The following PTPRA variants were observed in gnomAD, a reference collection of about 807,000 sequenced individuals.
The protein encoded by PTPRA is protein tyrosine phosphatase receptor type A.
A neutral mutation model predicts 104.8 loss-of-function variants in PTPRA; 25 were observed. That is an observed-to-expected ratio of 0.24 (90% CI 0.17 to 0.33). PTPRA has a LOEUF of 0.33. Ranked by LOEUF, PTPRA falls within the 10% of genes least tolerant of loss-of-function variation. PTPRA has a pLI of 1.00. For missense variants in PTPRA, 765 were observed against 1,015.3 expected, an observed-to-expected ratio of 0.75 and a Z score of 3.35; for synonymous variants, 323 against 368.9, an observed-to-expected ratio of 0.88 and a Z score of 1.43.
At chr20:2,910,428 A>T (rs1299531324) in intron 1 of PTPRA, among the ~76,000 whole-genome samples, 70 of 99,838 alleles carry the variant, frequency 7.0e-4, no homozygotes, top group East Asian at 1.5e-3. Flanking sequence ...TAATATATAA[A>T]ATGTATATTA....
chr20:3,037,415 TCCCAAGGTGC>T lies in PTPRA; in HGVS notation c.2334+132_2334+141del. The T allele has an allele frequency of 7.0e-7, 1 of 1,423,548 alleles. No individual in the cohort carries two copies. Among genetic ancestry groups the T allele is most frequent in the South Asian group, 1.4e-5 (1 of 73,298 alleles). 88.2% of individuals were successfully genotyped at this position (1,423,548 alleles called of 1,614,324 possible). On this transcript the variant is annotated intron_variant, in intron 23 of 23. Coordinates refer to ENST00000399903, the MANE Select transcript of PTPRA (RefSeq NM_001385305.1). This position sits in a 1 kb window ranked among gnomAD's most constrained non-coding sequence, Gnocchi z 4.3. The stretch of plus-strand genomic sequence containing the variant: ...TCTAAACACAGACCTGCCCTTGCCC[TCCCAAGGTGC>T]CCCAAATACACAGGAAACATTGGGA...
intron 2 of PTPRA, among the ~76,000 whole-genome samples, chr20:2,932,710 T>A (rs1035550006): frequency 5.9e-5 from 9 of 152,284 alleles, no homozygotes; most frequent in African/African-American, 2.2e-4. Context: ...AGGAAGGATA[T>A]GTTTTCTGCA....
chr20:2,964,952 A>G lies in PTPRA; in HGVS notation c.165A>G (p.Ser55=), dbSNP rs370794208. ...EEAKTSNPTS[S]LTSLSVAPTF... Reference sequence around the variant, plus strand: ...CCAAAACTTCAAATCCAACTTCTTCACTAACTTCTCTTTCTGTGGCACCAA... The same window carrying G: ...CCAAAACTTCAAATCCAACTTCTTCGCTAACTTCTCTTTCTGTGGCACCAA... The change falls in exon 5 of 24, where the codon TCA becomes TCG. Residue 55 remains serine (S), a synonymous_variant. Transcript: ENST00000399903. 7 of 1,613,802 alleles carry G rather than the reference A, an allele frequency of 4.3e-6. No individual in the cohort carries two copies. The African/African-American group carries it at 9.3e-5, about 22-fold the overall frequency.
chr20:3,033,746 A>G (rs1292733758), intron 20 of PTPRA, among the ~76,000 whole-genome samples: 1 of 151,860 alleles, frequency 6.6e-6, no homozygotes, highest in Non-Finnish European at 1.5e-5. Context: ...TACTAAAAAT[A>G]CAAAATTAGC....
chr20:2,864,297 A>G, the PTPRA span: 11 of 1,614,066 alleles, frequency 6.8e-6, no homozygotes, highest in Non-Finnish European at 9.3e-6. This position sits in a 1 kb window ranked among gnomAD's most constrained non-coding sequence, Gnocchi z 5.2. Context: ...GGTGAGGGCA[A>G]GGCTGGGGGG....
rs887622801 is a variant in PTPRA, at chr20:3,005,285, A to G, written c.829+139A>G. 7.5e-6 allele frequency: 6 copies of G among 803,254 alleles called. No individual in the cohort carries two copies. In the African/African-American group the frequency reaches 8.6e-5, roughly 12 times the overall value. The allele number at this position is 803,254 out of a possible 1,614,324, so 49.8% of individuals were successfully genotyped here. ...CGTTCATGGCAGTACTCAGTGGCTC[A>G]TACCTGTAATCCCAGAACTTTGGAA... On this transcript the variant is annotated intron_variant, in intron 10 of 23. Transcript: ENST00000399903.
chr20:2,995,510 G>T (rs2148212081), intron 9 of PTPRA, among the ~76,000 whole-genome samples: 1 of 152,316 alleles, frequency 6.6e-6, no homozygotes, highest in Non-Finnish European at 1.5e-5. Context: ...AGGCTGGGTT[G>T]TGGGGCAGTT....
intron 2 of PTPRA, among the ~76,000 whole-genome samples, chr20:2,940,320 T>G (rs2060863052): frequency 6.6e-6 from 1 of 151,628 alleles, no homozygotes; most frequent in Non-Finnish European, 1.5e-5. Context: ...TTCTTTTCTT[T>G]TCTTTTTTTT....
At chr20:2,976,740 A>C (rs1454191490) in intron 6 of PTPRA, among the ~76,000 whole-genome samples, 1 of 152,220 alleles carries the variant, frequency 6.6e-6, no homozygotes. Flanking sequence ...TTTTAAGCCA[A>C]ATGCTTTTTG....
intron 6 of PTPRA, among the ~76,000 whole-genome samples, chr20:2,980,287 G>A (rs13038702): frequency 0.21 from 31,180 of 151,772 alleles, 3,627 homozygotes; most frequent in East Asian, 0.38. Flanking sequence ...ATCAATGTAG[G>A]CTGGGCACAG....
chr20:2,998,863 C>T (rs1377274743), intron 9 of PTPRA, among the ~76,000 whole-genome samples: 1 of 151,442 alleles, frequency 6.6e-6, no homozygotes, highest in African/African-American at 2.4e-5. Context: ...ACAGATTCAT[C>T]AGACATATTA....
intron 11 of PTPRA, among the ~76,000 whole-genome samples, chr20:3,012,143 T>C (rs957086312): frequency 2.6e-5 from 4 of 152,182 alleles, no homozygotes; most frequent in African/African-American, 9.7e-5. Flanking sequence ...GTCTGCCAGT[T>C]TTCAGTACAG....
chr20:3,020,596 C>T (rs1207667964), intron 13 of PTPRA, among the ~76,000 whole-genome samples: 1 of 152,238 alleles, frequency 6.6e-6, no homozygotes, highest in Admixed American at 6.5e-5. Flanking sequence ...TTTGTGGCTA[C>T]CAAGTGCATG....
intron 1 of PTPRA, among the ~76,000 whole-genome samples, chr20:2,890,396 C>T (rs1027045641): frequency 2.0e-5 from 3 of 152,132 alleles, no homozygotes; most frequent in Admixed American, 6.5e-5. Flanking sequence ...TCACTTTTGT[C>T]ACCTAGTAAA....
At chr20:2,939,966 C>G (rs977436600) in intron 2 of PTPRA, among the ~76,000 whole-genome samples, 3 of 152,130 alleles carry the variant, frequency 2.0e-5, no homozygotes, top group African/African-American at 7.2e-5. Context: ...AAAAATTAGC[C>G]GGGCATGGTG....
intron 2 of PTPRA, among the ~76,000 whole-genome samples, chr20:2,946,281 A>C (rs2061128238): frequency 6.6e-6 from 1 of 151,916 alleles, no homozygotes; most frequent in Non-Finnish European, 1.5e-5. Flanking sequence ...TTTCCCCCCA[A>C]CCCCCATTTT....
chr20:2,960,238 C>G (rs1242900981), intron 3 of PTPRA, among the ~76,000 whole-genome samples: 1 of 151,854 alleles, frequency 6.6e-6, no homozygotes, highest in East Asian at 1.9e-4. Flanking sequence ...TTCCTAACTG[C>G]ACAACCACTG....
At chr20:3,030,918 G>C (rs1349147260) in intron 20 of PTPRA, among the ~76,000 whole-genome samples, 1 of 151,914 alleles carries the variant, frequency 6.6e-6, no homozygotes, top group Non-Finnish European at 1.5e-5. Flanking sequence ...GACCCCAAGT[G>C]ATCCGCCCGC....
chr20:2,932,829 A>T (rs1364691629), intron 2 of PTPRA, among the ~76,000 whole-genome samples: 1 of 152,216 alleles, frequency 6.6e-6, no homozygotes, highest in East Asian at 1.9e-4. Context: ...CTTTCTGTAG[A>T]TTAGGGAGTT....
Sources: allele counts gnomAD v4.1 joint callset (sites outside exome capture counted in the v4.1 genomes callset), GRCh38; gene constraint gnomAD v4.1.1; non-coding constraint Gnocchi (gnomAD v3.1); transcripts MANE v1.5; gene names NCBI Gene and HGNC (gene_info 2026-07-23, HGNC 2026-07-21).